Variants in TSGA10 observed in about 807,000 individuals in gnomAD.
TSGA10 encodes the protein testis specific 10.
A neutral mutation model predicts 96.6 loss-of-function variants in TSGA10; 43 were observed. The ratio of observed to expected loss-of-function variants is 0.44; its 90% CI spans 0.35 to 0.57. The LOEUF (loss-of-function observed/expected upper bound fraction) is 0.57, where lower values mean the gene tolerates loss of function less well. Ranked by LOEUF, TSGA10 falls within the 20% of genes least tolerant of loss-of-function variation. The pLI, the probability that TSGA10 is intolerant of heterozygous loss-of-function variation, is 0.01. For missense variants in TSGA10, 703 were observed against 834.4 expected, an observed-to-expected ratio of 0.84 and a Z score of 1.94; for synonymous variants, 229 against 269.9, an observed-to-expected ratio of 0.85 and a Z score of 1.48.
At chr2:99,028,395 A>G (rs565783830) in intron 17 of TSGA10, among the ~76,000 whole-genome samples, 116 of 152,334 alleles carry the variant, frequency 7.6e-4, no homozygotes, top group Middle Eastern at 6.8e-3. Flanking sequence ...ACACACATAC[A>G]TTATAGAATG....
At chr2:99,041,414 C>A (rs1283133524) in intron 16 of TSGA10, among the ~76,000 whole-genome samples, 1 of 152,180 alleles carries the variant, frequency 6.6e-6, no homozygotes, top group African/African-American at 2.4e-5. Context: ...GGAGGCATCA[C>A]TTACCCAACT....
chr2:99,049,745 A>G (rs868406001), intron 16 of TSGA10, among the ~76,000 whole-genome samples: 3,060 of 152,174 alleles, frequency 0.02, 104 homozygotes, highest in African/African-American at 0.07. Flanking sequence ...AAAAAGAAAA[A>G]AAAAAAGAAA....
chr2:99,075,693 C>T (rs997977276), intron 12 of TSGA10, among the ~76,000 whole-genome samples: 9 of 152,116 alleles, frequency 5.9e-5, no homozygotes, highest in African/African-American at 2.2e-4. Flanking sequence ...TGTTTACTTT[C>T]ATAAAATCTT....
chr2:99,148,482 T>C (rs568280663), intron 1 of TSGA10: 12 of 152,322 alleles, frequency 7.9e-5, no homozygotes, highest in African/African-American at 2.4e-4. Context: ...GAGTAAGTAC[T>C]ATATTTAGGC....
intron 1 of TSGA10, among the ~76,000 whole-genome samples, chr2:99,140,004 A>G (rs1290979099): frequency 5.3e-5 from 8 of 152,244 alleles, no homozygotes; most frequent in Non-Finnish European, 1.5e-5. Flanking sequence ...CAACTCAAAA[A>G]GAAGACAGAA....
Position 99,124,028 on chromosome 2 carries a change from G to C in TSGA10, c.-492+3020C>G, listed in dbSNP as rs545033796. Among the ~76,000 whole-genome samples the C allele has an allele frequency of 2.6e-5, 4 of 152,282 alleles. No homozygotes were observed. The East Asian group carries it at 7.7e-4, about 29-fold the overall frequency. Reference sequence around the variant, plus strand: ...AATAGCTGGATCATATTATTAGTCTGTCTTTAAAATTTTGAGAAACCATCA... The same window carrying C: ...AATAGCTGGATCATATTATTAGTCTCTCTTTAAAATTTTGAGAAACCATCA... On this transcript the variant is annotated intron_variant, in intron 2 of 20. Coordinates refer to ENST00000393483, the MANE Select transcript of TSGA10 (RefSeq NM_025244.4).
intron 17 of TSGA10, among the ~76,000 whole-genome samples, chr2:99,034,334 G>A (rs891902821): frequency 5.3e-5 from 8 of 151,860 alleles, no homozygotes; most frequent in South Asian, 2.1e-4. Flanking sequence ...CCAGGGAGTC[G>A]GAGGTTGCAG....
chr2:99,098,803 C>T lies in TSGA10; in HGVS notation c.611+5164G>A, dbSNP rs905475189. Among the ~76,000 whole-genome samples, 9 of 152,166 alleles carry T rather than the reference C, an allele frequency of 5.9e-5. No individual in the cohort carries two copies. In the South Asian group the frequency reaches 6.2e-4, roughly 11 times the overall value. On this transcript the variant is annotated intron_variant, in intron 10 of 20. Transcript: ENST00000393483. ...AATGAAAACTGCTTACATATATATA[C>T]TAACTTGCGTAAGAAGGAAATTCTA...
chr2:99,113,657 G>A (rs1421598818), intron 4 of TSGA10, among the ~76,000 whole-genome samples: 2 of 151,700 alleles, frequency 1.3e-5, no homozygotes, highest in African/African-American at 4.8e-5. Context: ...GCAATTCTCT[G>A]GCCTCAGCCT....
chr2:99,150,811 C>T (rs1485215791), intron 1 of TSGA10: 3 of 1,591,176 alleles, frequency 1.9e-6, no homozygotes, highest in South Asian at 2.3e-5. Context: ...AAGTGATGGA[C>T]TAGAAATGAC....
chr2:99,140,559 TAA>T (rs948418295), intron 1 of TSGA10, among the ~76,000 whole-genome samples: 1 of 152,138 alleles, frequency 6.6e-6, no homozygotes, highest in African/African-American at 2.4e-5. Context: ...TTATCCAATT[TAA>T]GTCTCAAATA....
At chr2:99,068,007 C>T (rs1189963693) in intron 15 of TSGA10, among the ~76,000 whole-genome samples, 1 of 152,102 alleles carries the variant, frequency 6.6e-6, no homozygotes, top group Non-Finnish European at 1.5e-5. Flanking sequence ...GAGTAGCCTG[C>T]ATAAATAAAA....
intron 2 of TSGA10, among the ~76,000 whole-genome samples, chr2:99,123,327 C>A (rs2092675358): frequency 6.6e-6 from 1 of 152,044 alleles, no homozygotes; most frequent in Non-Finnish European, 1.5e-5. Flanking sequence ...GCACCACTTT[C>A]TCTCACTTTT....
chr2:99,048,688 A>G (rs2083056983), intron 16 of TSGA10, among the ~76,000 whole-genome samples: 1 of 152,232 alleles, frequency 6.6e-6, no homozygotes, highest in South Asian at 2.1e-4. Context: ...CTTCATGACT[A>G]AAACACCAAA....
intron 16 of TSGA10, among the ~76,000 whole-genome samples, chr2:99,053,531 T>C (rs759081755): frequency 5.3e-5 from 8 of 152,106 alleles, no homozygotes; most frequent in Non-Finnish European, 7.4e-5. Flanking sequence ...TCTCAACACA[T>C]GTAGAAAATG....
At position 99,133,536 on chromosome 2, in the gene TSGA10, T is replaced by C. The variant is rs1203341577; in HGVS notation, c.-620-6360A>G. 6.6e-5 allele frequency among the ~76,000 whole-genome samples: 10 copies of C among 152,368 alleles called. 1 individual carries two copies. The East Asian group carries it at 1.9e-3, about 29-fold the overall frequency. On this transcript the variant is annotated intron_variant, in intron 1 of 20. Coordinates refer to ENST00000393483, the MANE Select transcript of TSGA10 (RefSeq NM_025244.4). ...CACAACAATGGGTCTTGACTCTTTA[T>C]CCAATTTGCCAGTCTGTGTCTTTTA...
chr2:99,111,545 C>T (rs1471731754), intron 4 of TSGA10, among the ~76,000 whole-genome samples: 1 of 152,094 alleles, frequency 6.6e-6, no homozygotes, highest in Non-Finnish European at 1.5e-5. Flanking sequence ...AAACTGCATC[C>T]TGATCTTGCC....
rs2104464537 is a variant in TSGA10, at chr2:99,065,052, C to T, written c.1291G>A (p.Ala431Thr). Reference sequence around the variant, plus strand: ...TTGTTATCTGCCTCTGATTGACGGGCTTTATTTTCCCAGTTTTCAGCATCT... The same window carrying T: ...TTGTTATCTGCCTCTGATTGACGGGTTTTATTTTCCCAGTTTTCAGCATCT... ...NEDAENWENKARQSEADNNTL... is the reference protein window; with the variant it reads ...NEDAENWENKTRQSEADNNTL... Residue 431 changes from alanine to threonine, a missense_variant, in exon 16 of 21, where the codon GCC becomes ACC. By Grantham distance (58) the Ala-to-Thr change is moderately conservative. This residue lies in a region of TSGA10 where 585 missense variants were observed against 656.8 expected (regional missense o/e 0.89). Coordinates refer to ENST00000393483, the MANE Select transcript of TSGA10 (RefSeq NM_025244.4). The T allele has an allele frequency of 6.2e-7, 1 of 1,613,778 alleles. No homozygotes were observed. The highest frequency in any genetic ancestry group is 1.7e-5 in the Admixed American group (1 of 59,980).
At chr2:99,144,125 A>T (rs1574754623) in intron 1 of TSGA10, among the ~76,000 whole-genome samples, 2 of 152,006 alleles carry the variant, frequency 1.3e-5, no homozygotes, top group Non-Finnish European at 2.9e-5. Context: ...GCTTCACGCC[A>T]TTCTCCTGCC....
Sources: gnomAD v4.1 joint callset for allele counts (sites outside exome capture counted in the v4.1 genomes callset) on GRCh38, gnomAD v4.1.1 for gene constraint, gnomAD v4.1.1 regional missense constraint, MANE v1.5 for transcripts, NCBI Gene and HGNC (gene_info 2026-07-23, HGNC 2026-07-21) for gene names.